NRG4: variants seen among roughly 807,000 people sequenced by gnomAD.
The protein encoded by NRG4 is neuregulin 4.
NRG4 carries 10 observed loss-of-function variants against 15.0 expected under a neutral mutation model. The observed-to-expected ratio is 0.67, with a 90% CI of 0.41 to 1.13. The LOEUF is 1.13. Ranked by LOEUF, NRG4 falls within the 50% of genes most tolerant of loss-of-function variation. The probability of loss-of-function intolerance (pLI) is 0.00; values close to 1 mark genes in which losing one functional copy is unlikely to be tolerated. For missense variants in NRG4, 139 were observed against 140.2 expected (o/e 0.99, Z 0.04); for synonymous variants, 41 against 50.1 (o/e 0.82, Z 0.77).
chr15:76,005,085 A>G (rs1457758395), intron 3 of NRG4, among the ~76,000 whole-genome samples: 2 of 152,140 alleles, frequency 1.3e-5, no homozygotes, highest in African/African-American at 4.8e-5. Context: ...TAAGAAACTC[A>G]TAAGGGGGCT....
chr15:76,058,877 C>T (rs1378962480), intron 1 of NRG4, among the ~76,000 whole-genome samples: 1 of 152,162 alleles, frequency 6.6e-6, no homozygotes, highest in African/African-American at 2.4e-5. Flanking sequence ...CCCTTGCAAA[C>T]ATTAATTAGA....
Position 75,961,855 on chromosome 15 carries a change from A to T in NRG4, c.224T>A (p.Ile75Asn), listed in dbSNP as rs1567077926. The T allele has an allele frequency of 1.2e-6, 2 of 1,613,542 alleles. No individual in the cohort carries two copies. The highest frequency in any genetic ancestry group is 4.5e-5 in the East Asian group (2 of 44,846). ...FVALAVLVTL[I>N]IGAFYFLCRK... is the part of the protein sequence containing the mutation. Reference sequence around the variant, plus strand: ...GCAAAGGAAGTAGAAGGCTCCAATGATAAGTGTTACTAGGACCGCCAATGC... The same window carrying T: ...GCAAAGGAAGTAGAAGGCTCCAATGTTAAGTGTTACTAGGACCGCCAATGC... The change falls in exon 4 of 6, where the codon ATC becomes AAC. Residue 75 changes from isoleucine (I) to asparagine (N), a missense_variant. Coordinates refer to ENST00000394907, the MANE Select transcript of NRG4 (RefSeq NM_138573.4).
intron 3 of NRG4, among the ~76,000 whole-genome samples, chr15:75,981,337 A>C (rs1272834512): frequency 6.6e-6 from 1 of 152,152 alleles, no homozygotes; most frequent in Non-Finnish European, 1.5e-5. Context: ...ACAGCTCCTG[A>C]GTAACCCTTG....
chr15:76,016,456 T>C (rs1203191930), upstream of NRG4, among the ~76,000 whole-genome samples: 3 of 152,230 alleles, frequency 2.0e-5, no homozygotes, highest in Non-Finnish European at 4.4e-5. Flanking sequence ...TCTTTCCTGC[T>C]TTCTCTTGAG....
chr15:75,942,149 T>G lies in NRG4; in HGVS notation c.*1489A>C, dbSNP rs2031052748. ...GTTAGTAAAGACTGGTTGCCAGAGG[T>G]TCAGTGGGAGAGAGGGAGGGGTAAA... On this transcript the variant is annotated 3_prime_UTR_variant, in exon 6 of 6. Coordinates refer to ENST00000394907, the MANE Select transcript of NRG4 (RefSeq NM_138573.4). 1 of 151,844 alleles carries G rather than the reference T, an allele frequency of 6.6e-6. No homozygotes were observed. Among genetic ancestry groups the G allele is most frequent in the African/African-American group, 2.4e-5 (1 of 41,372 alleles). The allele number at this position is 151,844 out of a possible 1,614,324, so 9.4% of individuals were successfully genotyped here. A position where few individuals can be genotyped will look rare whatever the true frequency, so the allele number is the denominator to read the frequency against.
At chr15:76,030,567 AACCTTAT>A (rs2141940994) in intron 5 of NRG4, among the ~76,000 whole-genome samples, 1 of 152,286 alleles carries the variant, frequency 6.6e-6, no homozygotes, top group Non-Finnish European at 1.5e-5. Flanking sequence ...CCCACCCTCT[AACCTTAT>A]AAAAAAAGCA....
chr15:75,971,293 A>C, intron 3 of NRG4: 1 of 455,206 alleles, frequency 2.2e-6, no homozygotes, highest in Non-Finnish European at 4.4e-6. Context: ...TGACCATCTC[A>C]TGATCTCTGT....
chr15:76,008,169 A>C (rs2034676097), intron 3 of NRG4, among the ~76,000 whole-genome samples: 1 of 152,346 alleles, frequency 6.6e-6, no homozygotes, highest in South Asian at 2.1e-4. Context: ...AAAAAAGAAG[A>C]GTATACTGCT....
Position 75,943,644 on chromosome 15 carries a change from T to G in NRG4, c.342A>C (p.Gln114His). 1 of 1,581,196 alleles carries G rather than the reference T, an allele frequency of 6.3e-7. No individual in the cohort carries two copies. The highest frequency in any genetic ancestry group is 8.7e-7 in the Non-Finnish European group (1 of 1,151,524). ...SSTSAHHSHE[Q>H]H ...GGTTCACTTTGACGTTTCTTCAGTG[T>G]TGTTCATGACCTGTGAAAAATAAGT... is the stretch of plus-strand genomic sequence containing the variant. Residue 114 changes from glutamine (Q) to histidine (H), a missense_variant, in exon 6 of 6, where the codon CAA becomes CAC. Physicochemically the swap from Gln to His is conservative, Grantham distance 24. Coordinates refer to ENST00000394907, the MANE Select transcript of NRG4 (RefSeq NM_138573.4).
intron 5 of NRG4, among the ~76,000 whole-genome samples, chr15:76,028,669 G>A (rs1378483650): frequency 1.3e-5 from 2 of 151,942 alleles, no homozygotes; most frequent in African/African-American, 4.8e-5. Context: ...GGAGGTTGAG[G>A]TGGGTGGATC....
intron 3 of NRG4, among the ~76,000 whole-genome samples, chr15:75,981,924 C>CA (rs1008863918): frequency 5.9e-4 from 87 of 147,092 alleles, no homozygotes; most frequent in South Asian, 1.7e-3. Flanking sequence ...ATATAACTTA[C>CA]AAAAAAAAAA....
At position 76,030,506 on chromosome 15, in the gene NRG4, A is replaced by G. The variant is rs187208838; in HGVS notation, c.-57+5438T>C. On this transcript the variant is annotated intron_variant, in intron 5 of 8. Coordinates refer to the NRG4 transcript ENST00000563910. Reference sequence around the variant, plus strand: ...TGGGGAAAGGACAATCTCTCCAATAAATAGTGCTGGGAAAACTAGATAGCA... The same window carrying G: ...TGGGGAAAGGACAATCTCTCCAATAGATAGTGCTGGGAAAACTAGATAGCA... 1.0e-3 allele frequency among the ~76,000 whole-genome samples: 157 copies of G among 152,290 alleles called. 1 individual carries two copies. The highest frequency in any genetic ancestry group is 5.9e-5 in the Non-Finnish European group (4 of 67,998).
At chr15:75,954,753 G>C (rs947879321) in intron 5 of NRG4, among the ~76,000 whole-genome samples, 1 of 151,984 alleles carries the variant, frequency 6.6e-6, no homozygotes, top group African/African-American at 2.4e-5. Flanking sequence ...CTCATTTTGA[G>C]CACATTTTCT....
rs2035817272 is a variant in NRG4, at chr15:76,044,324, G to GT, written c.-105+7742_-105+7743insA. ...GCCACATGAACTCATTTTTGACAAA[G>GT]GTGCCAAGAACATACTTGGGGAAAG... On this transcript the variant is annotated intron_variant, in intron 4 of 8. Transcript: ENST00000563910. 2.0e-5 allele frequency among the ~76,000 whole-genome samples: 3 copies of GT among 148,376 alleles called. No homozygotes were observed. In the South Asian group the frequency reaches 6.3e-4, roughly 31 times the overall value.
intron 3 of NRG4, among the ~76,000 whole-genome samples, chr15:75,966,086 T>C (rs1419073951): frequency 6.6e-6 from 1 of 152,168 alleles, no homozygotes; most frequent in African/African-American, 2.4e-5. Flanking sequence ...ATCTAAGTTA[T>C]ACAAATTGGT....
intron 5 of NRG4, among the ~76,000 whole-genome samples, chr15:76,021,287 C>T (rs2035144613): frequency 6.6e-6 from 1 of 152,350 alleles, no homozygotes; most frequent in Non-Finnish European, 1.5e-5. Context: ...CCAGCAAAAA[C>T]ATTACAACTC....
At chr15:76,056,813 T>G (rs2036162494) in intron 2 of NRG4, 1 of 152,242 alleles carries the variant, frequency 6.6e-6, no homozygotes. Context: ...CCAATCTTTT[T>G]CAGACATTCA....
chr15:76,036,405 A>G lies in NRG4; in HGVS notation c.-104-414T>C, dbSNP rs558735741. On this transcript the variant is annotated intron_variant, in intron 4 of 8. Coordinates refer to the NRG4 transcript ENST00000563910. ...ACTCAAGTCACCAACCATTCAAAGT[A>G]TCATCACTTCCCAGCAACCCTCAAC... 3.9e-5 allele frequency among the ~76,000 whole-genome samples: 6 copies of G among 152,372 alleles called. No individual in the cohort carries two copies. In the East Asian group the frequency reaches 1.2e-3, roughly 29 times the overall value.
At chr15:75,964,356 T>C (rs566273730) in intron 3 of NRG4, among the ~76,000 whole-genome samples, 1 of 152,286 alleles carries the variant, frequency 6.6e-6, no homozygotes, top group African/African-American at 2.4e-5. Flanking sequence ...TTTTTTTAAA[T>C]AGAATTAAGT....
Sources: allele counts gnomAD v4.1 joint callset (sites outside exome capture counted in the v4.1 genomes callset), GRCh38; gene constraint gnomAD v4.1.1; transcripts MANE v1.5; gene names NCBI Gene and HGNC (gene_info 2026-07-23, HGNC 2026-07-21).